The following DNMT3A variants were observed in gnomAD, a reference collection of about 807,000 sequenced individuals.
DNMT3A encodes DNA (cytosine-5)-methyltransferase 3A.
A neutral mutation model predicts 117.6 loss-of-function variants in DNMT3A; 267 were observed. The ratio of observed to expected loss-of-function variants is 2.27; its 90% CI spans 2.05 to 2.51. The LOEUF (loss-of-function observed/expected upper bound fraction) is 2.51, where lower values mean the gene tolerates loss of function less well. DNMT3A is among the 30% of genes most tolerant of loss of function. The pLI is 0.00. For synonymous variants in DNMT3A, 432 were observed against 474.8 expected (o/e 0.91, Z 1.17); for missense variants, 1,029 against 1,260.2 (o/e 0.82, Z 2.78).
chr2:25,325,803 C>T (rs2034764443), intron 1 of DNMT3A, among the ~76,000 whole-genome samples: 1 of 152,172 alleles, frequency 6.6e-6, no homozygotes, highest in Non-Finnish European at 1.5e-5. Flanking sequence ...TGTCTGGAAC[C>T]CAGCGAATTC....
chr2:25,283,088 C>T (rs1573420984), intron 3 of DNMT3A, among the ~76,000 whole-genome samples: 1 of 152,154 alleles, frequency 6.6e-6, no homozygotes, highest in South Asian at 2.1e-4. Context: ...TCCGGCCAGG[C>T]GTGGTGGCTC....
rs376346437 is a variant in DNMT3A at position 25,252,769 on chromosome 2, CAA to C, written c.640-4519_640-4518del. On this transcript the variant is annotated intron_variant, in intron 6 of 22. Transcript: ENST00000321117. The surrounding 1 kb of genome is among the most constrained non-coding windows in gnomAD (Gnocchi z 5.5). ...AAAGTGAGTTTCTCTGAAGCACAAC[CAA>C]AAAAAAAAAAAGAAAAAGCTTACAG... 9.6e-5 allele frequency among the ~76,000 whole-genome samples: 12 copies of C among 124,576 alleles called. No individual in the cohort carries two copies. Among genetic ancestry groups the C allele is most frequent in the Admixed American group, 1.6e-4 (2 of 12,426 alleles). 81.7% of individuals were successfully genotyped at this position (124,576 alleles called of 152,430 possible).
intron 19 of DNMT3A, chr2:25,239,609 C>G (rs1233266022): frequency 2.0e-6 from 1 of 496,250 alleles, no homozygotes; most frequent in Non-Finnish European, 4.2e-6. Flanking sequence ...CAGTGCTGCT[C>G]TAGACTACCC....
intron 2 of DNMT3A, among the ~76,000 whole-genome samples, chr2:25,309,576 C>T (rs1198785897): frequency 6.6e-6 from 1 of 152,142 alleles, no homozygotes; most frequent in Non-Finnish European, 1.5e-5. Flanking sequence ...TTCACTCCAT[C>T]CCCCTTCACG....
chr2:25,328,844 C>G (rs2034896732), intron 1 of DNMT3A: 1 of 399,576 alleles, frequency 2.5e-6, no homozygotes, highest in African/African-American at 2.1e-5. Context: ...GCCCCAGATC[C>G]CCAAGGTGAA....
intron 6 of DNMT3A, among the ~76,000 whole-genome samples, chr2:25,261,105 C>A (rs1407021288): frequency 6.6e-6 from 1 of 152,026 alleles, no homozygotes; most frequent in Non-Finnish European, 1.5e-5. Flanking sequence ...ACCAGCCTGG[C>A]CAACATGGTG....
rs188152484 is a variant in DNMT3A at position 25,278,692 on chromosome 2, G to A, written c.449-3149C>T. On this transcript the variant is annotated intron_variant, in intron 4 of 22. Coordinates refer to ENST00000321117, the MANE Select transcript of DNMT3A (RefSeq NM_022552.5). ...ATTACAAAAATTAACCAGGTATGGT[G>A]GCTGGCGCCTGTAATCCCAGCTACT... Among the ~76,000 whole-genome samples the A allele has an allele frequency of 3.9e-3, 588 of 152,330 alleles. 4 individuals are homozygous for A. Among genetic ancestry groups the A allele is most frequent in the African/African-American group, 0.013 (542 of 41,586 alleles).
At position 25,247,156 on chromosome 2, in the gene DNMT3A, C is replaced by T; in HGVS notation, c.1017G>A (p.Val339=). 6.2e-7 allele frequency: 1 copy of T among 1,613,872 alleles called. No homozygotes were observed. Among genetic ancestry groups the T allele is most frequent in the Middle Eastern group, 1.6e-4 (1 of 6,062 alleles). The change falls in exon 9 of 23, where the codon GTG becomes GTA. Residue 339 remains valine, a splice_region_variant and synonymous_variant. Transcript: ENST00000321117. This position sits in a 1 kb window ranked among gnomAD's most constrained non-coding sequence, Gnocchi z 5.6. ...TCAGCGGCATCAGCTTCTCAACACA[C>T]ACCTGGGGGGACAAGCCAGGCCTTG... is the stretch of plus-strand genomic sequence containing the variant. ...MWFGDGKFSV[V]CVEKLMPLSS... is the part of the protein sequence containing the mutation.
Position 25,341,827 on chromosome 2 carries a change from G to T in DNMT3A, c.-179C>A. Reference sequence around the variant, plus strand: ...GCCGCCAGCAGCGGCGCTCATTACCGTATGGCCGGTGGGGTCGGGCCGGCC... The same window carrying T: ...GCCGCCAGCAGCGGCGCTCATTACCTTATGGCCGGTGGGGTCGGGCCGGCC... On this transcript the variant is annotated splice_region_variant and 5_prime_UTR_variant, in exon 1 of 23. Coordinates refer to ENST00000321117, the MANE Select transcript of DNMT3A (RefSeq NM_022552.5). 2 of 978,508 alleles carry T rather than the reference G, an allele frequency of 2.0e-6. No homozygotes were observed. Among genetic ancestry groups the T allele is most frequent in the Non-Finnish European group, 2.4e-6 (2 of 827,616 alleles). The allele number at this position is 978,508 out of a possible 1,614,324, so 60.6% of individuals were successfully genotyped here.
intron 2 of DNMT3A, among the ~76,000 whole-genome samples, chr2:25,313,434 G>A (rs1015356071): frequency 4.6e-5 from 7 of 152,198 alleles, no homozygotes; most frequent in African/African-American, 1.7e-4. Context: ...GCCTCCGTCT[G>A]TGTGGGAGGG....
chr2:25,277,034 C>T (rs1227833243), intron 4 of DNMT3A, among the ~76,000 whole-genome samples: 1 of 152,144 alleles, frequency 6.6e-6, no homozygotes, highest in Non-Finnish European at 1.5e-5. Context: ...CTCCCGCTAG[C>T]TAGGCCCGGG....
chr2:25,332,926 C>G (rs1381392152), intron 1 of DNMT3A, among the ~76,000 whole-genome samples: 1 of 152,244 alleles, frequency 6.6e-6, no homozygotes, highest in Admixed American at 6.5e-5. Context: ...TGGGGCAGAG[C>G]CAGAACCCAG....
chr2:25,309,787 C>G (rs954066027), intron 2 of DNMT3A, among the ~76,000 whole-genome samples: 4 of 152,222 alleles, frequency 2.6e-5, no homozygotes, highest in African/African-American at 9.6e-5. Context: ...GGCGTGGTGG[C>G]TCACGCCTGT....
chr2:25,274,877 C>A, intron 6 of DNMT3A, 64 bp downstream of exon 6: 1 of 1,557,908 alleles, frequency 6.4e-7, no homozygotes. Context: ...GAAACTGAGG[C>A]CCATCACTTC....
rs1176481693 is a variant in DNMT3A at position 25,339,416 on chromosome 2, T to C, written c.-178+2410A>G. ...CACCTTTCTTAGGGTCAGTCTCCTA[T>C]GGAAGGCACTGGTGCCTGGGTGGGG... On this transcript the variant is annotated intron_variant, in intron 1 of 22. Transcript: ENST00000321117. This position sits in a 1 kb window ranked among gnomAD's most constrained non-coding sequence, Gnocchi z 4.9. Among the ~76,000 whole-genome samples, 1 of 152,164 alleles carries C rather than the reference T, an allele frequency of 6.6e-6. No homozygotes were observed. The highest frequency in any genetic ancestry group is 1.9e-4 in the East Asian group (1 of 5,182).
At position 25,296,805 on chromosome 2, in the gene DNMT3A, G is replaced by C. The variant is rs570329735; in HGVS notation, c.177+3334C>G. On this transcript the variant is annotated intron_variant, in intron 3 of 22. Transcript: ENST00000321117. This position sits in a 1 kb window ranked among gnomAD's most constrained non-coding sequence, Gnocchi z 4.2. Reference sequence around the variant, plus strand: ...GGGGCAAAAGGAGGAGAGAGCCCAGGATTTCTTGGGCTTGGGGGTGGGACC... The same window carrying C: ...GGGGCAAAAGGAGGAGAGAGCCCAGCATTTCTTGGGCTTGGGGGTGGGACC... 2.6e-5 allele frequency among the ~76,000 whole-genome samples: 4 copies of C among 152,290 alleles called. No homozygotes were observed. The South Asian group carries it at 6.2e-4, about 24-fold the overall frequency.
In DNMT3A at chr2:25,264,474, G is replaced by GT. The variant is rs575553375; in HGVS notation, c.639+10466dup. ...TTTTTTAAAAAGAGTTTTTTGTTTT[G>GT]TTTTTTTTTGTGAGACAGAGTCTGG... On this transcript the variant is annotated intron_variant, in intron 6 of 22. Transcript: ENST00000321117. 5.9e-3 allele frequency among the ~76,000 whole-genome samples: 820 copies of GT among 138,696 alleles called. 11 individuals are homozygous for GT. The highest frequency in any genetic ancestry group is 0.046 in the East Asian group (226 of 4,880). The allele number at this position is 138,696 out of a possible 152,430, so 91.0% of individuals were successfully genotyped here. A position where few individuals can be genotyped will look rare whatever the true frequency, so the allele number is the denominator to read the frequency against.
intron 5 of DNMT3A, 40 bp from the exon 6 acceptor site, chr2:25,275,127 A>T: frequency 6.6e-7 from 1 of 1,520,022 alleles, no homozygotes; most frequent in African/African-American, 1.4e-5. Flanking sequence ...TAGGGTGGGC[A>T]CTGACGGACC....
chr2:25,312,375 G>A (rs1039506283), intron 2 of DNMT3A, among the ~76,000 whole-genome samples: 2 of 152,228 alleles, frequency 1.3e-5, no homozygotes, highest in Non-Finnish European at 1.5e-5. Flanking sequence ...CGGTCGCCCC[G>A]GGCGTCCTGC....
Sources: allele counts gnomAD v4.1 joint callset (sites outside exome capture counted in the v4.1 genomes callset), GRCh38; gene constraint gnomAD v4.1.1; non-coding constraint Gnocchi (gnomAD v3.1); transcripts MANE v1.5; gene names NCBI Gene and HGNC (gene_info 2026-07-23, HGNC 2026-07-21).